The following B3GALT1 variants were observed in gnomAD, a reference collection of about 807,000 sequenced individuals.
B3GALT1 encodes beta-1,3-galactosyltransferase 1.
Under a neutral mutation model 23.2 loss-of-function variants are expected in B3GALT1, and 10 were observed. The ratio of observed to expected loss-of-function variants is 0.43; its 90% CI spans 0.27 to 0.73. The LOEUF is 0.73. Ranked by LOEUF, B3GALT1 falls within the 30% of genes least tolerant of loss-of-function variation. B3GALT1 has a pLI of 0.21. For missense variants in B3GALT1, 299 were observed against 405.4 expected (o/e 0.74, Z 2.25); for synonymous variants, 156 against 141.5 (o/e 1.10, Z -0.73).
At chr2:167,777,212 A>C (rs1419383963) in intron 3 of B3GALT1, among the ~76,000 whole-genome samples, 1 of 152,260 alleles carries the variant, frequency 6.6e-6, no homozygotes, top group Non-Finnish European at 1.5e-5. Flanking sequence ...TAACACAATC[A>C]TAAAATGAAT....
chr2:167,477,916 C>G (rs1574095809), intron 1 of B3GALT1, among the ~76,000 whole-genome samples: 1 of 152,294 alleles, frequency 6.6e-6, no homozygotes, highest in Admixed American at 6.5e-5. Context: ...ATAGAAAATA[C>G]TAACGATGTA....
At chr2:167,537,676 C>T (rs537633066) in intron 2 of B3GALT1, among the ~76,000 whole-genome samples, 1 of 152,216 alleles carries the variant, frequency 6.6e-6, no homozygotes, top group African/African-American at 2.4e-5. Context: ...TCAACTGTAC[C>T]TCAGAAATTT....
At chr2:167,612,367 TTTA>T (rs3062675) in intron 2 of B3GALT1, among the ~76,000 whole-genome samples, 2,092 of 145,108 alleles carry the variant, frequency 0.014, 58 homozygotes, top group African/African-American at 0.048. Flanking sequence ...TTATTAGGCC[TTTA>T]TTATTATTAT....
intron 2 of B3GALT1, among the ~76,000 whole-genome samples, chr2:167,588,561 A>G (rs926046821): frequency 3.3e-5 from 5 of 152,114 alleles, no homozygotes; most frequent in African/African-American, 9.7e-5. Context: ...TTATTTTTCT[A>G]TATTTATCAG....
rs1398645745 is a variant in B3GALT1 at position 167,694,729 on chromosome 2, G to A, written c.-352+47763G>A. Among the ~76,000 whole-genome samples, 27 of 151,752 alleles carry A rather than the reference G, an allele frequency of 1.8e-4. 1 individual carries two copies. Among genetic ancestry groups the A allele is most frequent in the Admixed American group, 1.8e-3 (27 of 15,264 alleles). ...TTTCCACCACATTCTGTTGGTGAAA[G>A]CAGGTGGCCAGATTCAAGGGGCAGC... On this transcript the variant is annotated intron_variant, in intron 3 of 4. Coordinates refer to ENST00000392690, the MANE Select transcript of B3GALT1 (RefSeq NM_020981.4).
intron 3 of B3GALT1, among the ~76,000 whole-genome samples, chr2:167,739,858 A>G (rs933367468): frequency 9.2e-5 from 14 of 151,642 alleles, no homozygotes; most frequent in East Asian, 5.8e-4. Context: ...TGGGAGGCCA[A>G]TGCAGAAGGA....
At chr2:167,689,184 T>A (rs1162351493) in intron 3 of B3GALT1, among the ~76,000 whole-genome samples, 5 of 144,810 alleles carry the variant, frequency 3.5e-5, no homozygotes, top group Non-Finnish European at 6.0e-5. Flanking sequence ...AACAGGGAAA[T>A]GCATTACTTA....
At chr2:167,700,618 C>T (rs73019309) in intron 3 of B3GALT1, among the ~76,000 whole-genome samples, 5,188 of 152,158 alleles carry the variant, frequency 0.034, 277 homozygotes, top group African/African-American at 0.12. Context: ...ATGGAACACC[C>T]CTTTGCTGCT....
chr2:167,583,309 C>CA (rs1050311851), intron 2 of B3GALT1, among the ~76,000 whole-genome samples: 5 of 151,746 alleles, frequency 3.3e-5, no homozygotes, highest in Admixed American at 2.6e-4. Context: ...GATGTAGCTG[C>CA]AAAAAAGCAT....
chr2:167,546,432 T>G (rs1029705253), intron 2 of B3GALT1, among the ~76,000 whole-genome samples: 1 of 152,160 alleles, frequency 6.6e-6, no homozygotes, highest in African/African-American at 2.4e-5. Flanking sequence ...TTGCAACTGA[T>G]AAGGTATGTC....
intron 1 of B3GALT1, among the ~76,000 whole-genome samples, chr2:167,407,322 C>T (rs988776017): frequency 2.0e-5 from 3 of 151,912 alleles, no homozygotes; most frequent in Admixed American, 6.6e-5. Context: ...ATACTAAAAT[C>T]GATTGGATAC....
At chr2:167,314,160 T>C (rs989026013) in intron 1 of B3GALT1, among the ~76,000 whole-genome samples, 2 of 152,200 alleles carry the variant, frequency 1.3e-5, no homozygotes, top group South Asian at 4.1e-4. Flanking sequence ...AAATGCTGCT[T>C]GGCACAGGTT....
chr2:167,853,884 T>G (rs1253001104), intron 4 of B3GALT1, among the ~76,000 whole-genome samples: 1 of 152,130 alleles, frequency 6.6e-6, no homozygotes, highest in Non-Finnish European at 1.5e-5. Context: ...CTGAGAGAGA[T>G]AATCAGTTGT....
intron 1 of B3GALT1, among the ~76,000 whole-genome samples, chr2:167,474,114 A>T (rs1042186994): frequency 2.6e-5 from 4 of 152,198 alleles, no homozygotes; most frequent in African/African-American, 7.2e-5. Context: ...AATGGCATGG[A>T]CATGTCAGTA....
At chr2:167,668,591 C>A (rs1686257665) in intron 3 of B3GALT1, among the ~76,000 whole-genome samples, 1 of 152,146 alleles carries the variant, frequency 6.6e-6, no homozygotes, top group African/African-American at 2.4e-5. Flanking sequence ...GCTGTGCTAG[C>A]AATCAGCGAG....
chr2:167,729,045 T>C (rs950038633), intron 3 of B3GALT1, among the ~76,000 whole-genome samples: 7 of 152,206 alleles, frequency 4.6e-5, no homozygotes, highest in African/African-American at 1.4e-4. Context: ...ACCTTACACA[T>C]ATACTTGTTT....
At chr2:167,744,504 C>A (rs1574240996) in intron 3 of B3GALT1, among the ~76,000 whole-genome samples, 1 of 152,106 alleles carries the variant, frequency 6.6e-6, no homozygotes, top group Admixed American at 6.6e-5. Flanking sequence ...ACTTTTTATT[C>A]CTCAGCTTTT....
At chr2:167,520,526 T>C (rs1583216) in intron 2 of B3GALT1, among the ~76,000 whole-genome samples, 56,804 of 151,958 alleles carry the variant, frequency 0.37, 11,607 homozygotes, top group East Asian at 0.81. Context: ...AAAACACTCA[T>C]AATATGCAGC....
intron 1 of B3GALT1, among the ~76,000 whole-genome samples, chr2:167,368,098 A>G (rs1464967097): frequency 6.6e-6 from 1 of 152,204 alleles, no homozygotes; most frequent in African/African-American, 2.4e-5. Flanking sequence ...TCTAAGAATG[A>G]GAAAGCATGA....
Sources: gnomAD v4.1 joint callset for allele counts (sites outside exome capture counted in the v4.1 genomes callset) on GRCh38, gnomAD v4.1.1 for gene constraint, MANE v1.5 for transcripts, NCBI Gene and HGNC (gene_info 2026-07-23, HGNC 2026-07-21) for gene names.